PRKN: variants seen among roughly 807,000 people sequenced by gnomAD.
PRKN encodes parkin RBR E3 ubiquitin protein ligase, also known as E3 ubiquitin-protein ligase parkin.
A neutral mutation model predicts 59.5 loss-of-function variants in PRKN; 56 were observed. The ratio of observed to expected loss-of-function variants is 0.94; its 90% CI spans 0.76 to 1.18. PRKN has a LOEUF of 1.18. Among genes scored for constraint, PRKN ranks in the 50% most tolerant of loss-of-function variants. The pLI is 0.00. For synonymous variants in PRKN, 250 were observed against 222.1 expected (o/e 1.13, Z -1.12); for missense variants, 657 against 596.4 (o/e 1.10, Z -1.06).
intron 6 of PRKN, among the ~76,000 whole-genome samples, chr6:161,940,674 A>C (rs58344357): frequency 9.9e-4 from 151 of 152,322 alleles, no homozygotes; most frequent in African/African-American, 3.5e-3. Context: ...TTAGTTCATG[A>C]CCATAAGTTA....
rs953902096 is a variant in PRKN at position 161,957,424 on chromosome 6, G to T, written c.734+15878C>A. On this transcript the variant is annotated intron_variant, in intron 6 of 11. Transcript: ENST00000366898. ...TGTTCTTGTTGTTTTTTTTTTGTTT[G>T]TTTGTTTGTTTGTTTTTTTGAGCCA... is the stretch of plus-strand genomic sequence containing the variant. 7.7e-3 allele frequency among the ~76,000 whole-genome samples: 756 copies of T among 98,732 alleles called. 12 individuals are homozygous for T. The highest frequency in any genetic ancestry group is 0.014 in the South Asian group (37 of 2,692). The allele number at this position is 98,732 out of a possible 152,430, so 64.8% of individuals were successfully genotyped here. A position where few individuals can be genotyped will look rare whatever the true frequency, so the allele number is the denominator to read the frequency against.
At chr6:162,379,213 C>A (rs58207737) in intron 2 of PRKN, among the ~76,000 whole-genome samples, 4 of 151,722 alleles carry the variant, frequency 2.6e-5, no homozygotes, top group African/African-American at 9.7e-5. Flanking sequence ...AGTGCCATTG[C>A]CAGGGAAGCT....
chr6:162,306,839 C>T (rs927307536), intron 2 of PRKN, among the ~76,000 whole-genome samples: 9 of 152,122 alleles, frequency 5.9e-5, no homozygotes, highest in South Asian at 2.1e-4. Flanking sequence ...GGCCCAGGCA[C>T]GCTGCCAATG....
At chr6:161,862,323 G>A (rs1019318530) in intron 6 of PRKN, among the ~76,000 whole-genome samples, 1 of 152,130 alleles carries the variant, frequency 6.6e-6, no homozygotes, top group Non-Finnish European at 1.5e-5. Flanking sequence ...GGGATTACTC[G>A]AATAGGAAAT....
At chr6:161,553,426 C>T (rs1780115878) in intron 8 of PRKN, among the ~76,000 whole-genome samples, 1 of 151,618 alleles carries the variant, frequency 6.6e-6, no homozygotes, top group South Asian at 2.1e-4. Context: ...TTGGTCCCTC[C>T]CTCTATCTCT....
chr6:161,589,947 T>A (rs1781657627), intron 7 of PRKN, among the ~76,000 whole-genome samples: 1 of 139,970 alleles, frequency 7.1e-6, no homozygotes, highest in Non-Finnish European at 1.6e-5. Context: ...GCGCAGCTAA[T>A]TTTTTTTTTT....
At chr6:161,558,562 CA>C (rs150088657) in intron 8 of PRKN, among the ~76,000 whole-genome samples, 4,589 of 118,740 alleles carry the variant, frequency 0.039, 164 homozygotes, top group African/African-American at 0.11. Context: ...GAGACTTTCT[CA>C]AAAAAAAAAA....
At chr6:162,123,712 C>CT (rs1488657839) in intron 4 of PRKN, among the ~76,000 whole-genome samples, 1 of 152,124 alleles carries the variant, frequency 6.6e-6, no homozygotes, top group African/African-American at 2.4e-5. Context: ...GGAGTATTTA[C>CT]TGTTATGAAA....
intron 2 of PRKN, among the ~76,000 whole-genome samples, chr6:162,331,846 C>A (rs1331898342): frequency 6.6e-6 from 1 of 152,154 alleles, no homozygotes; most frequent in Admixed American, 6.6e-5. Context: ...TCTGACACTG[C>A]AACTCAGTAT....
intron 6 of PRKN, among the ~76,000 whole-genome samples, chr6:161,822,403 C>T (rs1314975188): frequency 2.6e-5 from 4 of 152,182 alleles, no homozygotes; most frequent in African/African-American, 7.2e-5. Flanking sequence ...TGGCTGGGCA[C>T]GGTGGCTCAC....
At chr6:162,303,565 TG>T (rs1782066506) in intron 2 of PRKN, among the ~76,000 whole-genome samples, 1 of 152,104 alleles carries the variant, frequency 6.6e-6, no homozygotes, top group African/African-American at 2.4e-5. Context: ...AATGATGAGA[TG>T]CTTTTTCATT....
Position 161,377,092 on chromosome 6 carries a change from G to A in PRKN, c.1167+9702C>T, listed in dbSNP as rs1159463997. 6.6e-6 allele frequency among the ~76,000 whole-genome samples: 1 copy of A among 152,250 alleles called. No homozygotes were observed. Among genetic ancestry groups the A allele is most frequent in the Non-Finnish European group, 1.5e-5 (1 of 68,052 alleles). ...CAGGCAGACCCTGTGGATTCCAGGTGTCTGTGGAGGGAAAAGAGGTCACGT... is the reference window on the plus strand; with the variant it reads ...CAGGCAGACCCTGTGGATTCCAGGTATCTGTGGAGGGAAAAGAGGTCACGT... On this transcript the variant is annotated intron_variant, in intron 10 of 11. Coordinates refer to ENST00000366898, the MANE Select transcript of PRKN (RefSeq NM_004562.3). This position sits in a 1 kb window ranked among gnomAD's most constrained non-coding sequence, Gnocchi z 4.2.
At chr6:161,939,146 A>G (rs1193038483) in intron 6 of PRKN, among the ~76,000 whole-genome samples, 1 of 152,140 alleles carries the variant, frequency 6.6e-6, no homozygotes, top group African/African-American at 2.4e-5. Context: ...GGCCAGGCAC[A>G]GTGGCTAATG....
At chr6:162,367,457 A>T (rs964514302) in intron 2 of PRKN, among the ~76,000 whole-genome samples, 2 of 152,152 alleles carry the variant, frequency 1.3e-5, no homozygotes, top group African/African-American at 2.4e-5. Flanking sequence ...GTATGAGTGT[A>T]TTTTAATGGT....
chr6:162,343,963 G>A (rs937324689), intron 2 of PRKN, among the ~76,000 whole-genome samples: 3 of 152,174 alleles, frequency 2.0e-5, no homozygotes, highest in African/African-American at 4.8e-5. Flanking sequence ...CCTAAGAAAC[G>A]TGGTCTGTGG....
chr6:162,670,752 G>C (rs950633953), intron 1 of PRKN, among the ~76,000 whole-genome samples: 2 of 152,150 alleles, frequency 1.3e-5, no homozygotes, highest in Admixed American at 6.5e-5. Flanking sequence ...GGGGAAAAAT[G>C]TAAGATTAAA....
chr6:162,568,741 T>C, intron 1 of PRKN: 1 of 753,682 alleles, frequency 1.3e-6, no homozygotes, highest in Non-Finnish European at 2.4e-6. Flanking sequence ...AAGAGCTACA[T>C]CAACAACCCT....
At chr6:162,178,707 G>A (rs1033259296) in intron 4 of PRKN, among the ~76,000 whole-genome samples, 1 of 152,194 alleles carries the variant, frequency 6.6e-6, no homozygotes, top group Admixed American at 6.5e-5. Flanking sequence ...CACAAAGAAT[G>A]AGTGATAACT....
chr6:161,847,305 T>TA (rs879846614), intron 6 of PRKN, among the ~76,000 whole-genome samples: 63 of 145,328 alleles, frequency 4.3e-4, no homozygotes, highest in Admixed American at 6.2e-4. Flanking sequence ...AGACTCTGTC[T>TA]AAAAAAAAAA....
Sources: allele counts gnomAD v4.1 joint callset (sites outside exome capture counted in the v4.1 genomes callset), GRCh38; gene constraint gnomAD v4.1.1; non-coding constraint Gnocchi (gnomAD v3.1); transcripts MANE v1.5; gene names NCBI Gene and HGNC (gene_info 2026-07-23, HGNC 2026-07-21).